The following PALLD variants were observed in gnomAD, a reference collection of about 807,000 sequenced individuals.
PALLD encodes the protein palladin, cytoskeletal associated protein.
PALLD carries 61 observed loss-of-function variants against 123.5 expected under a neutral mutation model. The ratio of observed to expected loss-of-function variants is 0.49; its 90% CI spans 0.40 to 0.61. The LOEUF is 0.61. Among genes scored for constraint, PALLD ranks in the 20% least tolerant of loss-of-function variants. PALLD has a pLI of 0.00. For synonymous variants in PALLD, 465 were observed against 496.4 expected (o/e 0.94, Z 0.84); for missense variants, 1,273 against 1,377.0 (o/e 0.92, Z 1.20).
At chr4:168,781,388 G>T (rs1735903118) in intron 10 of PALLD, among the ~76,000 whole-genome samples, 1 of 152,240 alleles carries the variant, frequency 6.6e-6, no homozygotes, top group African/African-American at 2.4e-5. Flanking sequence ...CAAACCAGGA[G>T]CCAGCAGCTG....
rs142955317 is a variant in PALLD at position 168,531,714 on chromosome 4, A to G, written c.908+19302A>G. 1.6e-3 allele frequency among the ~76,000 whole-genome samples: 249 copies of G among 152,334 alleles called. 1 individual carries two copies. The highest frequency in any genetic ancestry group is 5.8e-3 in the African/African-American group (243 of 41,574). On this transcript the variant is annotated intron_variant, in intron 2 of 21. Coordinates refer to ENST00000505667, the MANE Select transcript of PALLD (RefSeq NM_001166108.2). ...ACATTGATGCTACTACAGTGAAGAT[A>G]TAATGTAGGTAAAAACACTGTCTTC...
intron 3 of PALLD, among the ~76,000 whole-genome samples, chr4:168,669,431 CT>C (rs35968403): frequency 0.071 from 10,757 of 151,986 alleles, 525 homozygotes; most frequent in African/African-American, 0.13. Flanking sequence ...CAAAAAAACA[CT>C]TTTTTAAAGT....
chr4:168,921,813 A>G, intron 18 of PALLD, 72 bp downstream of exon 18: 1 of 1,169,516 alleles, frequency 8.6e-7, no homozygotes, highest in South Asian at 1.2e-5. Context: ...CTAATTCTAC[A>G]TTACTAACCA....
chr4:168,691,591 G>C (rs1258445894), intron 8 of PALLD, among the ~76,000 whole-genome samples: 2 of 152,130 alleles, frequency 1.3e-5, no homozygotes, highest in African/African-American at 4.8e-5. Context: ...AGCAAACTAA[G>C]CTGATGATGA....
chr4:168,652,250 G>A (rs965406454), intron 2 of PALLD, among the ~76,000 whole-genome samples: 1 of 152,182 alleles, frequency 6.6e-6, no homozygotes, highest in African/African-American at 2.4e-5. Context: ...CAAGAAGAAT[G>A]CTGAAAAATC....
chr4:168,624,620 T>G (rs1580636300), intron 2 of PALLD, among the ~76,000 whole-genome samples: 1 of 152,234 alleles, frequency 6.6e-6, no homozygotes, highest in Non-Finnish European at 1.5e-5. Flanking sequence ...ACAGAGAAAC[T>G]AAAAGTATAA....
chr4:168,794,490 G>GCACA (rs1386240845), intron 10 of PALLD, among the ~76,000 whole-genome samples: 11 of 136,850 alleles, frequency 8.0e-5, no homozygotes, highest in Non-Finnish European at 1.2e-4. Flanking sequence ...ACACACACAT[G>GCACA]CACGCACACA....
At chr4:168,538,401 T>A (rs1216827476) in intron 2 of PALLD, among the ~76,000 whole-genome samples, 1 of 152,026 alleles carries the variant, frequency 6.6e-6, no homozygotes, top group Non-Finnish European at 1.5e-5. Context: ...ATATAATTCC[T>A]ACAGTCATGA....
chr4:168,720,138 A>G, intron 10 of PALLD, among the ~76,000 whole-genome samples: 1 of 152,214 alleles, frequency 6.6e-6, no homozygotes, highest in Non-Finnish European at 1.5e-5. Flanking sequence ...TGAATAATCT[A>G]TAACCTGGTT....
intron 1 of PALLD, among the ~76,000 whole-genome samples, chr4:168,499,180 CAAAAAA>C (rs1157137965): frequency 0.089 from 1,441 of 16,206 alleles, 6 homozygotes; most frequent in Middle Eastern, 0.33. Context: ...CCCTTTGTAG[CAAAAAA>C]AAAAAAAAAA....
intron 3 of PALLD, among the ~76,000 whole-genome samples, chr4:168,680,175 A>C (rs1781399993): frequency 6.6e-6 from 1 of 152,098 alleles, no homozygotes; most frequent in Non-Finnish European, 1.5e-5. Flanking sequence ...ATATGTTGAT[A>C]TGCTGTATTA....
At chr4:168,550,745 T>C (rs542813345) in intron 2 of PALLD, among the ~76,000 whole-genome samples, 1 of 152,328 alleles carries the variant, frequency 6.6e-6, no homozygotes, top group Non-Finnish European at 1.5e-5. Flanking sequence ...GGGGTCAGTA[T>C]TTCGTTTTGT....
intron 2 of PALLD, among the ~76,000 whole-genome samples, chr4:168,559,022 T>G (rs1767600690): frequency 6.6e-6 from 1 of 152,214 alleles, no homozygotes; most frequent in South Asian, 2.1e-4. Context: ...ATGATTTGAT[T>G]TACCCTAATA....
intron 10 of PALLD, among the ~76,000 whole-genome samples, chr4:168,758,430 C>T (rs962640858): frequency 5.9e-5 from 9 of 152,156 alleles, no homozygotes; most frequent in African/African-American, 2.2e-4. Flanking sequence ...AGTGGCCCTC[C>T]ACGTCAGGCA....
chr4:168,615,815 G>A lies in PALLD; in HGVS notation c.909-52375G>A, dbSNP rs562960783. Reference sequence around the variant, plus strand: ...GTGACTCCTTCTGAAAAACCTATCAGTAGGAGCCTTCAGTTTTAAATAATC... The same window carrying A: ...GTGACTCCTTCTGAAAAACCTATCAATAGGAGCCTTCAGTTTTAAATAATC... On this transcript the variant is annotated intron_variant, in intron 2 of 21. Coordinates refer to ENST00000505667, the MANE Select transcript of PALLD (RefSeq NM_001166108.2). Among the ~76,000 whole-genome samples, 3 of 152,322 alleles carry A rather than the reference G, an allele frequency of 2.0e-5. No individual in the cohort carries two copies. The South Asian group carries it at 6.2e-4, about 32-fold the overall frequency.
Position 168,894,579 on chromosome 4 carries a change from A to G in PALLD, c.2101A>G (p.Arg701Gly). 1 of 1,603,678 alleles carries G rather than the reference A, an allele frequency of 6.2e-7. No individual in the cohort carries two copies. Among genetic ancestry groups the G allele is most frequent in the Non-Finnish European group, 8.5e-7 (1 of 1,170,792 alleles). The change falls in exon 12 of 22, where the codon AGG (arginine) becomes GGG (glycine). Residue 701 changes from arginine (R) to glycine (G), a missense_variant and splice_region_variant. Coordinates refer to ENST00000505667, the MANE Select transcript of PALLD (RefSeq NM_001166108.2). ...KEDLLNNGQP[R>G]LTYEERMARR... Reference sequence around the variant, plus strand: ...ATTTTTTGTGACTTACGTTGTTTAGAGGTTAACATACGAAGAAAGAATGGC... The same window carrying G: ...ATTTTTTGTGACTTACGTTGTTTAGGGGTTAACATACGAAGAAAGAATGGC...
intron 10 of PALLD, among the ~76,000 whole-genome samples, chr4:168,741,749 A>G (rs1181918431): frequency 6.6e-6 from 1 of 152,200 alleles, no homozygotes; most frequent in East Asian, 1.9e-4. Flanking sequence ...AAATAAAAAG[A>G]GCAATTCATC....
chr4:168,907,154 AG>A (rs1757986124), intron 15 of PALLD, among the ~76,000 whole-genome samples: 1 of 152,056 alleles, frequency 6.6e-6, no homozygotes, highest in Admixed American at 6.5e-5. Context: ...AGATTTAAAT[AG>A]TACATGTAAA....
chr4:168,560,287 T>G (rs912327955), intron 2 of PALLD, among the ~76,000 whole-genome samples: 3 of 152,210 alleles, frequency 2.0e-5, no homozygotes, highest in South Asian at 4.1e-4. Flanking sequence ...AGTTGCTTGC[T>G]TTTCACAGTG....
Sources: gnomAD v4.1 joint callset for allele counts (sites outside exome capture counted in the v4.1 genomes callset) on GRCh38, gnomAD v4.1.1 for gene constraint, MANE v1.5 for transcripts, NCBI Gene and HGNC (gene_info 2026-07-23, HGNC 2026-07-21) for gene names.